The following MYLK variants were observed in gnomAD, a reference collection of about 807,000 sequenced individuals.
The protein encoded by MYLK is myosin light chain kinase, smooth muscle.
Under a neutral mutation model 203.4 loss-of-function variants are expected in MYLK, and 106 were observed. The observed-to-expected ratio is 0.52, with a 90% CI of 0.45 to 0.61. MYLK has a LOEUF of 0.61. Among genes scored for constraint, MYLK ranks in the 20% least tolerant of loss-of-function variants. The probability of loss-of-function intolerance (pLI) is 0.00; values close to 1 mark genes in which losing one functional copy is unlikely to be tolerated. For synonymous variants in MYLK, 867 were observed against 959.5 expected, an observed-to-expected ratio of 0.90 and a Z score of 1.78; for missense variants, 2,072 against 2,442.3, an observed-to-expected ratio of 0.85 and a Z score of 3.20.
At chr3:123,621,419 A>G (rs1052913204) in intron 31 of MYLK, 3 of 152,200 alleles carry the variant, frequency 2.0e-5, no homozygotes, top group Non-Finnish European at 4.4e-5. Flanking sequence ...CAGCCTCTTC[A>G]TAGGCAAATG....
chr3:123,767,911 C>G (rs910060468), intron 4 of MYLK, among the ~76,000 whole-genome samples: 2 of 152,218 alleles, frequency 1.3e-5, no homozygotes, highest in African/African-American at 4.8e-5. Context: ...TTGGAAGGGT[C>G]TGTAAACTTG....
chr3:123,667,329 C>T lies in MYLK; in HGVS notation c.3653-142G>A, dbSNP rs139848376. On this transcript the variant is annotated intron_variant, in intron 20 of 33. Transcript: ENST00000360304. ...TGAACATGTCTTTTCAGGCTGAGCA[C>T]GGTGGCTCACACCTGTAATCTCAGC... 519 of 837,436 alleles carry T rather than the reference C, an allele frequency of 6.2e-4. 3 individuals carry two copies. Among genetic ancestry groups the T allele is most frequent in the Non-Finnish European group, 9.2e-4 (466 of 506,590 alleles). The allele number at this position is 837,436 out of a possible 1,614,324, so 51.9% of individuals were successfully genotyped here.
Position 123,707,777 on chromosome 3 carries a change from G to A in MYLK, c.2367C>T (p.Ala789=), listed in dbSNP as rs761794592. The A allele has an allele frequency of 1.1e-5, 17 of 1,614,072 alleles. No homozygotes were observed. The highest frequency in any genetic ancestry group is 1.4e-5 in the Non-Finnish European group (16 of 1,180,046). ...LVLKKVQPWH[A]GQYEILLKNR... ...ACTTGAGCAGGATCTCATACTGGCC[G>A]GCATGCCAGGGCTGCACCTTCTTTA... is the stretch of plus-strand genomic sequence containing the variant. The change falls in exon 16 of 34, where the codon GCC becomes GCT. Residue 789 remains alanine, a synonymous_variant. Coordinates refer to ENST00000360304, the MANE Select transcript of MYLK (RefSeq NM_053025.4).
intron 4 of MYLK, among the ~76,000 whole-genome samples, chr3:123,778,151 G>C (rs574177718): frequency 9.2e-5 from 14 of 152,078 alleles, no homozygotes; most frequent in African/African-American, 2.9e-4. Flanking sequence ...CATCCCTAAG[G>C]GGGGGCGATA....
intron 4 of MYLK, among the ~76,000 whole-genome samples, chr3:123,767,188 T>G (rs1047670200): frequency 6.6e-6 from 1 of 152,226 alleles, no homozygotes; most frequent in Non-Finnish European, 1.5e-5. Context: ...GCTGAGCCAC[T>G]GTTAGACAAA....
At chr3:123,861,393 C>T (rs1480727326) in intron 2 of MYLK, among the ~76,000 whole-genome samples, 2 of 152,246 alleles carry the variant, frequency 1.3e-5, no homozygotes, top group Admixed American at 1.3e-4. Context: ...TACAGAGGTA[C>T]TAACAGAGCT....
At chr3:123,847,851 G>T (rs1293288127) in intron 2 of MYLK, among the ~76,000 whole-genome samples, 1 of 151,680 alleles carries the variant, frequency 6.6e-6, no homozygotes, top group Non-Finnish European at 1.5e-5. Flanking sequence ...TTCCTTTCTT[G>T]TGTTCTTCTT....
chr3:123,748,242 G>A (rs553895380), intron 5 of MYLK, among the ~76,000 whole-genome samples: 31 of 152,296 alleles, frequency 2.0e-4, no homozygotes, highest in Admixed American at 4.6e-4. Flanking sequence ...TGAACTAACT[G>A]AGCAAGAATT....
chr3:123,692,411 T>C, intron 19 of MYLK: 1 of 1,210,016 alleles, frequency 8.3e-7, no homozygotes, highest in Non-Finnish European at 1.0e-6. Flanking sequence ...GTAGTCATTT[T>C]CCTGTGGGTG....
intron 5 of MYLK, among the ~76,000 whole-genome samples, chr3:123,744,250 G>A (rs2062948837): frequency 6.6e-6 from 1 of 152,200 alleles, no homozygotes; most frequent in African/African-American, 2.4e-5. Flanking sequence ...AACTGTTCAA[G>A]CATGACCATT....
chr3:123,658,144 A>T (rs1560029153), intron 23 of MYLK, among the ~76,000 whole-genome samples: 1 of 152,228 alleles, frequency 6.6e-6, no homozygotes, highest in Non-Finnish European at 1.5e-5. Context: ...TTTATTTCTA[A>T]CTTTATATAC....
At chr3:123,667,223 T>C (rs746700413) in intron 20 of MYLK, 36 bp from the exon 21 acceptor site, 16 of 1,605,420 alleles carry the variant, frequency 1.0e-5, no homozygotes, top group African/African-American at 1.3e-5. Context: ...TTTCCTGTAG[T>C]TCTGTTTTTT....
chr3:123,758,792 A>G (rs2063442653), intron 4 of MYLK, among the ~76,000 whole-genome samples: 1 of 152,216 alleles, frequency 6.6e-6, no homozygotes, highest in East Asian at 1.9e-4. Context: ...CCTTTGGAGC[A>G]GCCAAACAAA....
chr3:123,644,008 C>T (rs1378181453), intron 27 of MYLK, among the ~76,000 whole-genome samples: 5 of 152,252 alleles, frequency 3.3e-5, no homozygotes, highest in African/African-American at 4.8e-5. Context: ...CCTGAAGGAA[C>T]TGCTGTGTCA....
chr3:123,718,173 C>G (rs2061968646), intron 13 of MYLK, among the ~76,000 whole-genome samples: 1 of 152,130 alleles, frequency 6.6e-6, no homozygotes, highest in African/African-American at 2.4e-5. Context: ...TGTTGAGGGA[C>G]TCTTGAAGGT....
At chr3:123,835,318 TC>T (rs1402412559) in intron 2 of MYLK, among the ~76,000 whole-genome samples, 3 of 152,128 alleles carry the variant, frequency 2.0e-5, no homozygotes, top group Non-Finnish European at 2.9e-5. Flanking sequence ...AATATGGCAA[TC>T]AGTCACAAGA....
chr3:123,792,378 A>C (rs1420165276), intron 4 of MYLK, among the ~76,000 whole-genome samples: 2 of 152,326 alleles, frequency 1.3e-5, no homozygotes, highest in Non-Finnish European at 2.9e-5. Context: ...TACAACCACC[A>C]GTACTAATTT....
In MYLK at chr3:123,849,989, C is replaced by T. The variant is rs990122719; in HGVS notation, c.-126-18319G>A. Among the ~76,000 whole-genome samples, 66 of 152,106 alleles carry T rather than the reference C, an allele frequency of 4.3e-4. 1 individual carries two copies. Among genetic ancestry groups the T allele is most frequent in the African/African-American group, 4.6e-4 (19 of 41,416 alleles). ...ATTCCCACCTATGAGCGAGAATATG[C>T]GGTGTTTGGTTTTTTGTCCTTGCGA... On this transcript the variant is annotated intron_variant, in intron 2 of 33. Transcript: ENST00000360304.
At chr3:123,745,173 A>G (rs1232676257) in intron 5 of MYLK, among the ~76,000 whole-genome samples, 2 of 151,802 alleles carry the variant, frequency 1.3e-5, no homozygotes, top group Non-Finnish European at 1.5e-5. Context: ...CGATTTATAT[A>G]TTTGTGGTGT....
Sources: gnomAD v4.1 joint callset for allele counts (sites outside exome capture counted in the v4.1 genomes callset) on GRCh38, gnomAD v4.1.1 for gene constraint, MANE v1.5 for transcripts, NCBI Gene and HGNC (gene_info 2026-07-23, HGNC 2026-07-21) for gene names.